AKAP9: variants seen among roughly 807,000 people sequenced by gnomAD.
AKAP9 encodes the protein A-kinase anchor protein 9.
Under a neutral mutation model 488.5 loss-of-function variants are expected in AKAP9, and 311 were observed. The ratio of observed to expected loss-of-function variants is 0.64; its 90% CI spans 0.58 to 0.70. The LOEUF (loss-of-function observed/expected upper bound fraction) is 0.70, where lower values mean the gene tolerates loss of function less well. Among genes scored for constraint, AKAP9 ranks in the 30% least tolerant of loss-of-function variants. The pLI is 0.00. For missense variants in AKAP9, 4,215 were observed against 4,374.5 expected (o/e 0.96, Z 1.03); for synonymous variants, 1,462 against 1,483.5 (o/e 0.99, Z 0.33).
chr7:91,953,819 A>G (rs113973977), intron 1 of AKAP9, among the ~76,000 whole-genome samples: 2 of 30,212 alleles, frequency 6.6e-5, no homozygotes, highest in African/African-American at 2.1e-4. Flanking sequence ...CCCGCCCCCC[A>G]CCACACACAA....
In AKAP9 at chr7:92,110,225, T is replaced by C; in HGVS notation, c.*66T>C. On this transcript the variant is annotated 3_prime_UTR_variant, in exon 50 of 50. Transcript: ENST00000356239. ...TTCCTTTTGTAAATCAATGGTTCTTTTGTGCTTTTGTATTGTGAATATTCA... is the reference window on the plus strand; with the variant it reads ...TTCCTTTTGTAAATCAATGGTTCTTCTGTGCTTTTGTATTGTGAATATTCA... 2 of 1,288,016 alleles carry C rather than the reference T, an allele frequency of 1.6e-6. No homozygotes were observed. The highest frequency in any genetic ancestry group is 2.2e-6 in the Non-Finnish European group (2 of 901,330). The allele number at this position is 1,288,016 out of a possible 1,614,324, so 79.8% of individuals were successfully genotyped here. A position where few individuals can be genotyped will look rare whatever the true frequency, so the allele number is the denominator to read the frequency against.
At chr7:91,995,509 C>A in intron 6 of AKAP9, 94 bp from the exon 7 acceptor site, 1 of 1,101,910 alleles carries the variant, frequency 9.1e-7, no homozygotes, top group Non-Finnish European at 1.3e-6. Context: ...CTGCAGAGTT[C>A]CCAGAGAGCT....
chr7:92,013,291 G>C (rs1479403318), intron 9 of AKAP9, among the ~76,000 whole-genome samples: 1 of 152,036 alleles, frequency 6.6e-6, no homozygotes, highest in Non-Finnish European at 1.5e-5. Flanking sequence ...GCGCCCGGCC[G>C]GGGTTGGAAT....
intron 3 of AKAP9, among the ~76,000 whole-genome samples, chr7:91,986,589 A>G (rs1300347389): frequency 1.3e-5 from 2 of 152,190 alleles, no homozygotes; most frequent in Non-Finnish European, 2.9e-5. Context: ...AGGTCAAAAG[A>G]TGGTGATTTT....
chr7:92,052,276 C>T (rs1430278682), intron 21 of AKAP9, among the ~76,000 whole-genome samples: 2 of 117,618 alleles, frequency 1.7e-5, no homozygotes, highest in African/African-American at 8.2e-5. Flanking sequence ...ATTTCTATCC[C>T]TCTGTACAAT....
intron 28 of AKAP9, among the ~76,000 whole-genome samples, chr7:92,073,364 G>A (rs1045237673): frequency 6.6e-6 from 1 of 151,364 alleles, no homozygotes; most frequent in African/African-American, 2.4e-5. Flanking sequence ...AAATTAGCCG[G>A]GTGTGGTGGC....
intron 1 of AKAP9, among the ~76,000 whole-genome samples, chr7:91,962,919 C>T (rs1005611644): frequency 2.6e-5 from 4 of 152,004 alleles, no homozygotes; most frequent in Admixed American, 1.3e-4. Context: ...ATTATGTATA[C>T]CCTAATTACA....
intron 22 of AKAP9, among the ~76,000 whole-genome samples, chr7:92,055,556 G>A (rs1413085174): frequency 6.6e-6 from 1 of 151,972 alleles, no homozygotes; most frequent in Non-Finnish European, 1.5e-5. Context: ...ATTTTGTTTA[G>A]GAAACAACTC....
chr7:91,988,131 G>A (rs1279738589), intron 3 of AKAP9, among the ~76,000 whole-genome samples: 2 of 151,812 alleles, frequency 1.3e-5, no homozygotes, highest in African/African-American at 4.8e-5. Flanking sequence ...ATTCCACACG[G>A]TAAGATAGCT....
At chr7:91,984,480 T>C (rs905294284) in intron 3 of AKAP9, among the ~76,000 whole-genome samples, 7 of 152,178 alleles carry the variant, frequency 4.6e-5, no homozygotes, top group African/African-American at 1.7e-4. Flanking sequence ...TTCTGTTCCA[T>C]TGGTCTATAT....
At chr7:91,981,082 A>T (rs1156719641) in intron 3 of AKAP9, among the ~76,000 whole-genome samples, 3 of 152,230 alleles carry the variant, frequency 2.0e-5, no homozygotes, top group Non-Finnish European at 1.5e-5. Context: ...TAATGTGCTT[A>T]AAAGTTGGAA....
chr7:91,978,637 T>C (rs529577003), intron 2 of AKAP9, among the ~76,000 whole-genome samples: 1 of 152,224 alleles, frequency 6.6e-6, no homozygotes, highest in African/African-American at 2.4e-5. Context: ...TTGTAAACTG[T>C]AAAGGTGTTA....
intron 28 of AKAP9, among the ~76,000 whole-genome samples, chr7:92,073,753 G>A (rs545926014): frequency 1.3e-5 from 2 of 152,278 alleles, no homozygotes; most frequent in Non-Finnish European, 2.9e-5. Flanking sequence ...CTGATATGAT[G>A]CCTGAACTTC....
chr7:92,086,306 T>A lies in AKAP9; in HGVS notation c.9103T>A (p.Leu3035Ile), dbSNP rs1333551811. The A allele has an allele frequency of 5.0e-6, 8 of 1,613,992 alleles. No homozygotes were observed. In the East Asian group the frequency reaches 1.6e-4, roughly 31 times the overall value. ...ELLLALQQVF[L>I]EERSVLLAAF... ...ACTGCTTGCCCTTCAACAAGTTTTC[T>A]TAGAAGAGCGTAGTGTTTTACTAGC... The change falls in exon 37 of 50, where the codon TTA becomes ATA. Residue 3035 changes from leucine (L) to isoleucine (I), a missense_variant. Coordinates refer to ENST00000356239, the MANE Select transcript of AKAP9 (RefSeq NM_005751.5).
chr7:92,074,512 G>A (rs1194723549), intron 28 of AKAP9, among the ~76,000 whole-genome samples: 1 of 152,160 alleles, frequency 6.6e-6, no homozygotes, highest in Non-Finnish European at 1.5e-5. Context: ...CCATTACTGG[G>A]TATATACCCA....
In AKAP9 at chr7:91,941,067, C is replaced by T; in HGVS notation, c.-33C>T. On this transcript the variant is annotated 5_prime_UTR_variant, in exon 1 of 50. Transcript: ENST00000356239. ...CTTTCTATCCCCAACCACCCCTCAA[C>T]CCCTGTTTTCCCCTGCCTTCCTTGC... is the stretch of plus-strand genomic sequence containing the variant. 2 of 1,604,414 alleles carry T rather than the reference C, an allele frequency of 1.2e-6. No individual in the cohort carries two copies. The highest frequency in any genetic ancestry group is 1.7e-6 in the Non-Finnish European group (2 of 1,171,182).
At chr7:92,052,661 T>C (rs745887749) in intron 21 of AKAP9, 65 bp from the exon 22 acceptor site, 136 of 1,185,010 alleles carry the variant, frequency 1.1e-4, no homozygotes, top group Non-Finnish European at 1.6e-4. Flanking sequence ...TTGATGTTGT[T>C]TTATAACTTT....
chr7:92,002,761 C>T lies in AKAP9; in HGVS notation c.2844C>T (p.Thr948=). The change falls in exon 8 of 50, where the codon ACC becomes ACT. Residue 948 remains threonine, a synonymous_variant. Coordinates refer to ENST00000356239, the MANE Select transcript of AKAP9 (RefSeq NM_005751.5). ...TTELMEKLEV[T]KREKLELSQR... ...AACTCATGGAAAAACTTGAGGTAAC[C>T]AAGCGAGAGAAATTAGAGCTGTCAC... The T allele has an allele frequency of 6.2e-7, 1 of 1,613,508 alleles. No homozygotes were observed. Among genetic ancestry groups the T allele is most frequent in the Non-Finnish European group, 8.5e-7 (1 of 1,179,672 alleles).
chr7:92,104,942 T>G (rs763613950), intron 46 of AKAP9, among the ~76,000 whole-genome samples: 1 of 152,184 alleles, frequency 6.6e-6, no homozygotes, highest in Non-Finnish European at 1.5e-5. Flanking sequence ...AGGAGTTAGC[T>G]AGTAATTTTG....
Sources: gnomAD v4.1 joint callset for allele counts (sites outside exome capture counted in the v4.1 genomes callset) on GRCh38, gnomAD v4.1.1 for gene constraint, MANE v1.5 for transcripts, NCBI Gene and HGNC (gene_info 2026-07-23, HGNC 2026-07-21) for gene names.